The following RSRC1 variants were observed in gnomAD, a reference collection of about 807,000 sequenced individuals.
The protein encoded by RSRC1 is arginine and serine rich coiled-coil 1.
In RSRC1, 39 loss-of-function variants were observed where a neutral mutation model predicts 49.1. The ratio of observed to expected loss-of-function variants is 0.79; its 90% CI spans 0.61 to 1.04. RSRC1 has a LOEUF of 1.04. Among genes scored for constraint, RSRC1 ranks in the 50% least tolerant of loss-of-function variants. RSRC1 has a pLI of 0.00. For missense variants in RSRC1, 388 were observed against 402.4 expected (o/e 0.96, Z 0.31); for synonymous variants, 143 against 130.8 (o/e 1.09, Z -0.63).
At chr3:158,471,820 A>C (rs1269854539) in intron 7 of RSRC1, among the ~76,000 whole-genome samples, 1 of 152,148 alleles carries the variant, frequency 6.6e-6, no homozygotes, top group East Asian at 1.9e-4. Context: ...AATCCTATCC[A>C]ACCAACGTAG....
At chr3:158,479,011 T>A (rs1738501084) in intron 7 of RSRC1, among the ~76,000 whole-genome samples, 1 of 147,766 alleles carries the variant, frequency 6.8e-6, no homozygotes, top group South Asian at 2.2e-4. Flanking sequence ...GATGTCAACA[T>A]CATATGGCAT....
intron 3 of RSRC1, among the ~76,000 whole-genome samples, chr3:158,137,608 A>G (rs1455219283): frequency 6.6e-6 from 1 of 151,852 alleles, no homozygotes; most frequent in African/African-American, 2.4e-5. Flanking sequence ...CTTAGTTGGC[A>G]GAAGAACTCT....
intron 1 of RSRC1, among the ~76,000 whole-genome samples, chr3:158,118,158 G>T (rs561575134): frequency 6.6e-5 from 10 of 151,894 alleles, no homozygotes; most frequent in African/African-American, 2.4e-4. Context: ...CCATGTTGGC[G>T]GGGCTGGTCT....
At chr3:158,229,251 C>A (rs1329011158) in intron 4 of RSRC1, among the ~76,000 whole-genome samples, 6 of 147,198 alleles carry the variant, frequency 4.1e-5, no homozygotes, top group East Asian at 2.0e-4. Context: ...TGTATATAAA[C>A]ATACATGTAT....
intron 1 of RSRC1, among the ~76,000 whole-genome samples, chr3:158,120,748 C>T (rs1245674394): frequency 6.8e-6 from 1 of 147,904 alleles, no homozygotes; most frequent in African/African-American, 2.5e-5. Flanking sequence ...ACTTTTGCAC[C>T]AACATAATAC....
chr3:158,250,765 A>C (rs1724164147), intron 4 of RSRC1, among the ~76,000 whole-genome samples: 3 of 152,096 alleles, frequency 2.0e-5, no homozygotes, highest in Admixed American at 2.0e-4. Context: ...TGGGATGCAG[A>C]TATTTTCCCA....
At chr3:158,423,012 C>T (rs1735170777) in intron 6 of RSRC1, among the ~76,000 whole-genome samples, 2 of 151,968 alleles carry the variant, frequency 1.3e-5, no homozygotes, top group Admixed American at 1.3e-4. Flanking sequence ...AAAATTTTCT[C>T]CCATTCTGTA....
intron 1 of RSRC1, among the ~76,000 whole-genome samples, chr3:158,114,473 T>C (rs997786233): frequency 5.9e-5 from 9 of 152,206 alleles, no homozygotes; most frequent in African/African-American, 2.2e-4. Context: ...TTGTCTTGGC[T>C]ATATGGGCTC....
chr3:158,423,834 A>T (rs1346153609), intron 6 of RSRC1, among the ~76,000 whole-genome samples: 1 of 151,682 alleles, frequency 6.6e-6, no homozygotes, highest in Non-Finnish European at 1.5e-5. Context: ...TTCTCTTTGA[A>T]GCAATTGTGA....
At chr3:158,200,800 T>C (rs1721001467) in intron 3 of RSRC1, among the ~76,000 whole-genome samples, 1 of 152,184 alleles carries the variant, frequency 6.6e-6, no homozygotes, top group Admixed American at 6.5e-5. Flanking sequence ...CTTTATTCTA[T>C]AGAGGTTATT....
intron 4 of RSRC1, among the ~76,000 whole-genome samples, chr3:158,248,060 C>T (rs1037572327): frequency 5.9e-5 from 9 of 152,170 alleles, no homozygotes; most frequent in African/African-American, 2.2e-4. Flanking sequence ...CCTTTCATTC[C>T]TCTTCGAGAG....
chr3:158,273,342 C>T (rs1350951765), intron 4 of RSRC1, among the ~76,000 whole-genome samples: 1 of 152,088 alleles, frequency 6.6e-6, no homozygotes, highest in Non-Finnish European at 1.5e-5. Flanking sequence ...AAGGTCTTTA[C>T]ACATACATAT....
At chr3:158,384,190 G>A (rs1051332196) in intron 6 of RSRC1, among the ~76,000 whole-genome samples, 2 of 152,068 alleles carry the variant, frequency 1.3e-5, no homozygotes, top group Non-Finnish European at 2.9e-5. Context: ...AATGAATCAG[G>A]AACAGGTAAG....
chr3:158,231,387 C>T (rs781724758), intron 4 of RSRC1, among the ~76,000 whole-genome samples: 6 of 152,036 alleles, frequency 3.9e-5, no homozygotes, highest in Non-Finnish European at 8.8e-5. Context: ...CATCCCACCT[C>T]TGCCTCCCAT....
At chr3:158,271,093 A>G (rs1725493161) in intron 4 of RSRC1, among the ~76,000 whole-genome samples, 1 of 151,778 alleles carries the variant, frequency 6.6e-6, no homozygotes, top group South Asian at 2.1e-4. Context: ...CATAAACATG[A>G]ATGTTCTAAC....
At chr3:158,445,259 G>A (rs1736636665) in intron 6 of RSRC1, among the ~76,000 whole-genome samples, 1 of 152,140 alleles carries the variant, frequency 6.6e-6, no homozygotes, top group Non-Finnish European at 1.5e-5. Context: ...AAACCCAGAT[G>A]TCCATCAGTG....
intron 3 of RSRC1, among the ~76,000 whole-genome samples, chr3:158,192,969 A>G (rs1221401938): frequency 6.6e-6 from 1 of 152,120 alleles, no homozygotes; most frequent in South Asian, 2.1e-4. Flanking sequence ...TAGCTATGGT[A>G]TGAGGGAAAC....
chr3:158,507,325 G>A (rs1410176897), intron 7 of RSRC1, among the ~76,000 whole-genome samples: 2 of 151,758 alleles, frequency 1.3e-5, no homozygotes. Flanking sequence ...AGTACAGTAG[G>A]GAAACTATAA....
At chr3:158,370,288 C>CAGTATTTAGTATAAAA (rs1731996267) in intron 6 of RSRC1, among the ~76,000 whole-genome samples, 4 of 151,738 alleles carry the variant, frequency 2.6e-5, no homozygotes, top group Admixed American at 2.6e-4. Context: ...ATAAAATTCC[C>CAGTATTTAGTATAAAA]CAGTATTTAG....
Sources: gnomAD v4.1 joint callset for allele counts (sites outside exome capture counted in the v4.1 genomes callset) on GRCh38, gnomAD v4.1.1 for gene constraint, MANE v1.5 for transcripts, NCBI Gene and HGNC (gene_info 2026-07-23, HGNC 2026-07-21) for gene names.